Variants in CCSER1 observed in about 807,000 individuals in gnomAD.
The protein encoded by CCSER1 is coiled-coil serine rich protein 1.
A neutral mutation model predicts 82.0 loss-of-function variants in CCSER1; 41 were observed. The observed-to-expected ratio is 0.50, with a 90% CI of 0.39 to 0.65. CCSER1 has a LOEUF of 0.65. Ranked by LOEUF, CCSER1 falls within the 30% of genes least tolerant of loss-of-function variation. CCSER1 has a pLI of 0.00. For missense variants in CCSER1, 1,119 were observed against 1,064.2 expected (o/e 1.05, Z -0.72); for synonymous variants, 414 against 383.9 (o/e 1.08, Z -0.92).
chr4:91,034,005 C>A (rs1741218052), intron 9 of CCSER1, among the ~76,000 whole-genome samples: 1 of 152,092 alleles, frequency 6.6e-6, no homozygotes, highest in African/African-American at 2.4e-5. Context: ...AGGAAGCACC[C>A]TTTGGAATTG....
intron 8 of CCSER1, among the ~76,000 whole-genome samples, chr4:90,847,594 C>T (rs759778421): frequency 6.6e-6 from 1 of 152,094 alleles, no homozygotes; most frequent in Admixed American, 6.5e-5. Flanking sequence ...CTTCACCAGA[C>T]TCATCTTTGT....
chr4:90,964,731 C>CA (rs71596540), intron 9 of CCSER1, among the ~76,000 whole-genome samples: 54,246 of 77,408 alleles, frequency 0.7, 20,439 homozygotes, highest in Non-Finnish European at 0.82. Context: ...ACTCTGTCTC[C>CA]AAAAAAAAAA....
intron 1 of CCSER1, among the ~76,000 whole-genome samples, chr4:90,177,970 A>G (rs1733016431): frequency 6.6e-6 from 1 of 152,062 alleles, no homozygotes; most frequent in South Asian, 2.1e-4. Flanking sequence ...AGTATTTCAG[A>G]TTTTGGATTT....
intron 5 of CCSER1, among the ~76,000 whole-genome samples, chr4:90,529,364 C>T (rs1446604794): frequency 1.3e-5 from 2 of 151,910 alleles, no homozygotes; most frequent in East Asian, 1.9e-4. Flanking sequence ...TGAGTAGCTG[C>T]GACTACAGAC....
At chr4:90,454,525 T>A (rs1393278896) in intron 4 of CCSER1, among the ~76,000 whole-genome samples, 1 of 152,170 alleles carries the variant, frequency 6.6e-6, no homozygotes, top group Admixed American at 6.5e-5. Context: ...TTAAGAGGCT[T>A]AGTTCTAGTC....
intron 7 of CCSER1, among the ~76,000 whole-genome samples, chr4:90,756,244 A>G (rs1287741767): frequency 1.3e-5 from 2 of 152,116 alleles, no homozygotes; most frequent in Non-Finnish European, 2.9e-5. Flanking sequence ...ACAAATTAAT[A>G]AGTAAAATAA....
chr4:91,200,145 G>T (rs991793130), intron 10 of CCSER1, among the ~76,000 whole-genome samples: 8 of 151,548 alleles, frequency 5.3e-5, no homozygotes, highest in South Asian at 4.2e-4. Context: ...TGAAGTTCTT[G>T]CTATTTTATT....
chr4:90,478,199 T>C (rs1417139219), intron 5 of CCSER1, among the ~76,000 whole-genome samples: 1 of 152,222 alleles, frequency 6.6e-6, no homozygotes, highest in Non-Finnish European at 1.5e-5. Flanking sequence ...TTAATATTTT[T>C]AATTCTTTGA....
chr4:91,377,010 T>C (rs1390811682), intron 10 of CCSER1, among the ~76,000 whole-genome samples: 1 of 152,128 alleles, frequency 6.6e-6, no homozygotes, highest in African/African-American at 2.4e-5. Flanking sequence ...TTTCGTTTTT[T>C]GTCCTTGCGA....
intron 10 of CCSER1, among the ~76,000 whole-genome samples, chr4:91,141,001 G>C (rs774222210): frequency 7.9e-5 from 12 of 151,910 alleles, no homozygotes; most frequent in Non-Finnish European, 7.4e-5. Flanking sequence ...GTCTACTGTT[G>C]CCATGTTTAT....
chr4:91,184,134 C>A (rs766617814), intron 10 of CCSER1, among the ~76,000 whole-genome samples: 2 of 152,132 alleles, frequency 1.3e-5, no homozygotes, highest in Non-Finnish European at 2.9e-5. Flanking sequence ...AGTAATATTT[C>A]TTGAGTGGGG....
chr4:91,331,925 AAAAC>A (rs1345531552), intron 10 of CCSER1, among the ~76,000 whole-genome samples: 1 of 152,156 alleles, frequency 6.6e-6, no homozygotes, highest in East Asian at 1.9e-4. Flanking sequence ...GAATACTTCT[AAAAC>A]AAAGCTGTTT....
At chr4:90,931,617 C>T (rs765201588) in intron 9 of CCSER1, among the ~76,000 whole-genome samples, 18 of 152,082 alleles carry the variant, frequency 1.2e-4, no homozygotes, top group Admixed American at 1.3e-4. Context: ...TCTGTTTTGT[C>T]ATGGTAGAGC....
At chr4:91,177,371 T>A (rs982453348) in intron 10 of CCSER1, among the ~76,000 whole-genome samples, 4 of 152,196 alleles carry the variant, frequency 2.6e-5, no homozygotes, top group Admixed American at 2.0e-4. Context: ...TTTCTGTTCA[T>A]TGGAATAGTT....
At chr4:90,853,285 A>AT (rs1178639483) in intron 8 of CCSER1, among the ~76,000 whole-genome samples, 2 of 152,010 alleles carry the variant, frequency 1.3e-5, no homozygotes, top group East Asian at 1.9e-4. Context: ...AGAGATGTTC[A>AT]TTTTTTTCTA....
intron 6 of CCSER1, among the ~76,000 whole-genome samples, chr4:90,719,386 T>C (rs1742278002): frequency 6.6e-6 from 1 of 152,162 alleles, no homozygotes; most frequent in South Asian, 2.1e-4. Flanking sequence ...AGTTGTATAA[T>C]TATTTGATTA....
chr4:91,322,386 T>A (rs908634044), intron 10 of CCSER1, among the ~76,000 whole-genome samples: 59 of 152,050 alleles, frequency 3.9e-4, no homozygotes, highest in African/African-American at 1.4e-3. Flanking sequence ...CCTCTTTAAG[T>A]TGATGTCCAA....
intron 9 of CCSER1, among the ~76,000 whole-genome samples, chr4:90,953,941 A>G (rs1733170210): frequency 6.6e-6 from 1 of 151,998 alleles, no homozygotes; most frequent in Non-Finnish European, 1.5e-5. Flanking sequence ...GAGTTGTCAT[A>G]ACAAAAGAGG....
intron 1 of CCSER1, among the ~76,000 whole-genome samples, chr4:90,289,333 T>C (rs1006193744): frequency 6.6e-6 from 1 of 151,882 alleles, no homozygotes; most frequent in Non-Finnish European, 1.5e-5. Flanking sequence ...ATGGTTAACT[T>C]TTAGGTCTTC....
Sources: gnomAD v4.1 joint callset for allele counts (sites outside exome capture counted in the v4.1 genomes callset) on GRCh38, gnomAD v4.1.1 for gene constraint, MANE v1.5 for transcripts, NCBI Gene and HGNC (gene_info 2026-07-23, HGNC 2026-07-21) for gene names.